The following PCDH11Y variants were observed in gnomAD, a reference collection of about 807,000 sequenced individuals.
PCDH11Y encodes protocadherin 11 Y-linked, also known as protocadherin-11 Y-linked.
For missense variants in PCDH11Y, 12 were observed against 224.8 expected, an observed-to-expected ratio of 0.05 and a Z score of 6.05; for synonymous variants, 9 against 83.6, an observed-to-expected ratio of 0.11 and a Z score of 4.87.
At chrY:5,666,156 TCTC>T (rs2053544550) in intron 4 of PCDH11Y, among the ~76,000 whole-genome samples, 1 of 33,351 alleles carries the variant, frequency 3.0e-5, no homozygotes, top group Admixed American at 2.8e-4. Flanking sequence ...CATCTTTTGT[TCTC>T]CTCACTGTGT....
At chrY:5,636,609 G>A (rs1602954935) in intron 4 of PCDH11Y, among the ~76,000 whole-genome samples, 2 of 33,330 alleles carry the variant, frequency 6.0e-5, no homozygotes, top group East Asian at 1.6e-3. Context: ...CATAGCCTTC[G>A]TGGTAATTCA....
chrY:5,315,567 A>G, intron 2 of PCDH11Y, among the ~76,000 whole-genome samples: 1 of 33,891 alleles, frequency 3.0e-5, no homozygotes, highest in Non-Finnish European at 7.3e-5. Context: ...AAGGGAATCC[A>G]TGTATACCAG....
chrY:5,696,592 A>AT (rs4029058), intron 4 of PCDH11Y, among the ~76,000 whole-genome samples: 3 of 31,329 alleles, frequency 9.6e-5, no homozygotes, highest in African/African-American at 2.5e-4. Flanking sequence ...TTTTGAAGAG[A>AT]TTTTTTTTTC....
intron 3 of PCDH11Y, among the ~76,000 whole-genome samples, chrY:5,571,534 A>C: frequency 3.3e-5 from 1 of 30,466 alleles, no homozygotes; most frequent in Non-Finnish European, 7.9e-5. Flanking sequence ...GATCAATATA[A>C]GTACTTCTCA....
At chrY:5,350,631 G>A in intron 2 of PCDH11Y, among the ~76,000 whole-genome samples, 1 of 32,060 alleles carries the variant, frequency 3.1e-5, no homozygotes. Context: ...GCTTGAACCC[G>A]GGAGGTGGAG....
chrY:5,508,298 AT>A (rs2053360979), intron 3 of PCDH11Y, among the ~76,000 whole-genome samples: 4 of 33,068 alleles, frequency 1.2e-4, no homozygotes, highest in African/African-American at 4.7e-4. Flanking sequence ...GATTTCTATG[AT>A]TTTTTAATTT....
At chrY:5,153,919 A>C in intron 2 of PCDH11Y, among the ~76,000 whole-genome samples, 1 of 26,809 alleles carries the variant, frequency 3.7e-5, no homozygotes, top group African/African-American at 1.5e-4. Context: ...AAAGTAACAG[A>C]TAAACCACGG....
At chrY:5,317,838 G>A (rs1602903598) in intron 2 of PCDH11Y, among the ~76,000 whole-genome samples, 2 of 33,183 alleles carry the variant, frequency 6.0e-5, no homozygotes, top group African/African-American at 2.4e-4. Flanking sequence ...GAGAGGGTAC[G>A]TTTTCATCCT....
At chrY:5,727,767 A>C in intron 4 of PCDH11Y, among the ~76,000 whole-genome samples, 1 of 32,691 alleles carries the variant, frequency 3.1e-5, no homozygotes, top group Non-Finnish European at 7.6e-5. Flanking sequence ...AGTTGACATC[A>C]CTCATTGCTG....
intron 2 of PCDH11Y, among the ~76,000 whole-genome samples, chrY:5,449,195 A>C (rs2053290652): frequency 3.1e-5 from 1 of 32,045 alleles, no homozygotes; most frequent in Non-Finnish European, 7.6e-5. Flanking sequence ...TCTAGGGTTT[A>C]TAGTCAATCA....
intron 2 of PCDH11Y, among the ~76,000 whole-genome samples, chrY:5,346,217 G>T: frequency 3.0e-5 from 1 of 33,045 alleles, no homozygotes; most frequent in Non-Finnish European, 7.4e-5. Context: ...AATTTTTATT[G>T]ATTTTACTTT....
intron 2 of PCDH11Y, among the ~76,000 whole-genome samples, chrY:5,463,085 A>G: frequency 3.7e-5 from 1 of 27,179 alleles, no homozygotes; most frequent in East Asian, 9.9e-4. Context: ...TCTGACATGT[A>G]TGGGTATTAG....
chrY:5,489,899 T>G, intron 2 of PCDH11Y, among the ~76,000 whole-genome samples: 1 of 32,250 alleles, frequency 3.1e-5, no homozygotes, highest in Non-Finnish European at 7.5e-5. Flanking sequence ...AAAGGAGATG[T>G]CTATAGAATA....
At chrY:5,461,935 C>T (rs207480397) in intron 2 of PCDH11Y, among the ~76,000 whole-genome samples, 78 of 33,438 alleles carry the variant, frequency 2.3e-3, no homozygotes, top group African/African-American at 8.4e-3. Flanking sequence ...ACAGAAATAG[C>T]TGGGTCTTCA....
intron 2 of PCDH11Y, among the ~76,000 whole-genome samples, chrY:5,447,300 T>C: frequency 3.3e-5 from 1 of 29,972 alleles, no homozygotes; most frequent in African/African-American, 1.3e-4. Flanking sequence ...CAATAAGTTA[T>C]GTAAAACTTT....
At chrY:5,110,577 G>A in intron 2 of PCDH11Y, among the ~76,000 whole-genome samples, 1 of 33,054 alleles carries the variant, frequency 3.0e-5, no homozygotes, top group Non-Finnish European at 7.4e-5. Flanking sequence ...TGACTATTCA[G>A]TAGTAGTGAA....
At chrY:5,439,738 T>A in intron 2 of PCDH11Y, among the ~76,000 whole-genome samples, 1 of 34,038 alleles carries the variant, frequency 2.9e-5, no homozygotes. Flanking sequence ...AGAAGCCAGA[T>A]TGTCACTGTG....
chrY:5,529,699 A>T, intron 3 of PCDH11Y, among the ~76,000 whole-genome samples: 1 of 33,029 alleles, frequency 3.0e-5, no homozygotes, highest in Non-Finnish European at 7.6e-5. Context: ...TGTTTATAAA[A>T]AAAAAATCTC....
intron 4 of PCDH11Y, among the ~76,000 whole-genome samples, chrY:5,725,003 A>C: frequency 6.0e-5 from 2 of 33,470 alleles, no homozygotes; most frequent in Admixed American, 5.4e-4. Context: ...AGCTGGGTGC[A>C]GTGGCTGACG....
Sources: gnomAD v4.1 joint callset for allele counts (sites outside exome capture counted in the v4.1 genomes callset) on GRCh38, gnomAD v4.1.1 for gene constraint, MANE v1.5 for transcripts, NCBI Gene and HGNC (gene_info 2026-07-23, HGNC 2026-07-21) for gene names.